WDR25: variants seen among roughly 807,000 people sequenced by gnomAD.
WDR25 encodes WD repeat domain 25, also known as WD repeat-containing protein 25.
A neutral mutation model predicts 47.7 loss-of-function variants in WDR25; 35 were observed. That is an observed-to-expected ratio of 0.73 (90% CI 0.56 to 0.97). The LOEUF (loss-of-function observed/expected upper bound fraction) is 0.97. Among genes scored for constraint, WDR25 ranks in the 50% least tolerant of loss-of-function variants. The probability of loss-of-function intolerance (pLI) is 0.00; values close to 1 mark genes in which losing one functional copy is unlikely to be tolerated. For missense variants in WDR25, 634 were observed against 704.7 expected (o/e 0.90, Z 1.14); for synonymous variants, 248 against 278.9 (o/e 0.89, Z 1.10).
At chr14:100,483,418 A>T (rs924252064) in intron 3 of WDR25, among the ~76,000 whole-genome samples, 1 of 152,156 alleles carries the variant, frequency 6.6e-6, no homozygotes, top group South Asian at 2.1e-4. Flanking sequence ...ACCCTGTCCA[A>T]TCTGTGCTTG....
intron 2 of WDR25, among the ~76,000 whole-genome samples, chr14:100,462,190 G>A (rs1899437681): frequency 6.6e-6 from 1 of 152,162 alleles, no homozygotes; most frequent in Non-Finnish European, 1.5e-5. Flanking sequence ...CACAGAAACT[G>A]TGGTAAATAT....
At chr14:100,445,989 A>G (rs903548686) in intron 2 of WDR25, among the ~76,000 whole-genome samples, 1 of 152,204 alleles carries the variant, frequency 6.6e-6, no homozygotes, top group Admixed American at 6.5e-5. Flanking sequence ...CCATCCTGGT[A>G]GATGAAAAGA....
chr14:100,406,424 A>G (rs916636224), intron 2 of WDR25, among the ~76,000 whole-genome samples: 1 of 152,180 alleles, frequency 6.6e-6, no homozygotes, highest in African/African-American at 2.4e-5. Flanking sequence ...CATAGGAGTC[A>G]CTTTTAGGCA....
At chr14:100,463,957 T>C (rs1200799304) in intron 2 of WDR25, among the ~76,000 whole-genome samples, 1 of 152,186 alleles carries the variant, frequency 6.6e-6, no homozygotes, top group Non-Finnish European at 1.5e-5. Context: ...TGCAGAAGCC[T>C]CCTGATTGTC....
In WDR25 at chr14:100,488,933, A is replaced by G. The variant is rs909520516; in HGVS notation, c.1101+4809A>G. ...TGGCATCCCCGACAGGGCCTGGACC[A>G]GAGCAGGTGTTCAGGATAACCTGGA... On this transcript the variant is annotated intron_variant, in intron 4 of 6. Coordinates refer to ENST00000402312, the MANE Select transcript of WDR25 (RefSeq NM_001161476.3). The surrounding 1 kb of genome is among the most constrained non-coding windows in gnomAD (Gnocchi z 4.2). 1.3e-5 allele frequency among the ~76,000 whole-genome samples: 2 copies of G among 152,232 alleles called. No homozygotes were observed. The highest frequency in any genetic ancestry group is 1.9e-4 in the East Asian group (1 of 5,202).
chr14:100,410,980 G>C (rs1055984524), intron 2 of WDR25, among the ~76,000 whole-genome samples: 2 of 151,734 alleles, frequency 1.3e-5, no homozygotes, highest in East Asian at 3.9e-4. Context: ...ATGGAGTCTC[G>C]TCATGTTGCC....
At position 100,469,147 on chromosome 14, in the gene WDR25, G is replaced by A. The variant is rs146432985; in HGVS notation, c.970+979G>A. Among the ~76,000 whole-genome samples the A allele has an allele frequency of 3.9e-5, 6 of 152,188 alleles. No homozygotes were observed. The East Asian group carries it at 1.2e-3, about 30-fold the overall frequency. ...GCCAGCATCTTGCCTGCCTAGCCCCGCAGTGGTGGTGGCTCTGGGCCCTGC... is the reference window on the plus strand; with the variant it reads ...GCCAGCATCTTGCCTGCCTAGCCCCACAGTGGTGGTGGCTCTGGGCCCTGC... On this transcript the variant is annotated intron_variant, in intron 3 of 6. Coordinates refer to ENST00000402312, the MANE Select transcript of WDR25 (RefSeq NM_001161476.3).
Position 100,527,244 on chromosome 14 carries a change from G to A in WDR25, c.1272+1204G>A, listed in dbSNP as rs993245543. Reference sequence around the variant, plus strand: ...CACCATTACCACCATCATCACCACCGTCATCTCTGTCACACCACCATCACC... The same window carrying A: ...CACCATTACCACCATCATCACCACCATCATCTCTGTCACACCACCATCACC... On this transcript the variant is annotated intron_variant, in intron 5 of 6. Transcript: ENST00000402312. Among the ~76,000 whole-genome samples, 11 of 149,018 alleles carry A rather than the reference G, an allele frequency of 7.4e-5. No individual in the cohort carries two copies. In the South Asian group the frequency reaches 8.7e-4, roughly 12 times the overall value.
At chr14:100,409,464 GCT>G (rs780668296) in intron 2 of WDR25, among the ~76,000 whole-genome samples, 8 of 151,790 alleles carry the variant, frequency 5.3e-5, no homozygotes, top group Non-Finnish European at 1.2e-4. Flanking sequence ...TCTTTAAAGG[GCT>G]CTCTTTTGAG....
intron 3 of WDR25, among the ~76,000 whole-genome samples, chr14:100,473,703 C>T (rs949635347): frequency 6.6e-6 from 1 of 152,160 alleles, no homozygotes; most frequent in Admixed American, 6.5e-5. Flanking sequence ...GCAAAGAGCC[C>T]CAAGAGCTCC....
At chr14:100,497,239 G>A (rs140305934) in intron 4 of WDR25, among the ~76,000 whole-genome samples, 1,561 of 152,248 alleles carry the variant, frequency 0.01, 12 homozygotes, top group Middle Eastern at 0.031. Context: ...TGGCAATTTG[G>A]TCAATTGGTT....
intron 2 of WDR25, among the ~76,000 whole-genome samples, chr14:100,385,153 T>TA (rs1896991171): frequency 6.6e-6 from 1 of 152,236 alleles, no homozygotes; most frequent in Non-Finnish European, 1.5e-5. Context: ...CAGCTTCACC[T>TA]ACTAGACTTT....
intron 2 of WDR25, among the ~76,000 whole-genome samples, chr14:100,412,206 C>CA (rs34698940): frequency 0.12 from 6,247 of 53,404 alleles, 332 homozygotes; most frequent in African/African-American, 0.22. Flanking sequence ...GACCCTGTCT[C>CA]AAAAAAAAAA....
At chr14:100,401,160 C>G (rs572369423) in intron 2 of WDR25, among the ~76,000 whole-genome samples, 1 of 152,090 alleles carries the variant, frequency 6.6e-6, no homozygotes, top group Admixed American at 6.5e-5. Context: ...TCTGGGCCTC[C>G]GGGGCGCGTC....
rs142115926 is a variant in WDR25 at position 100,522,238 on chromosome 14, T to A, written c.1102-3632T>A. Among the ~76,000 whole-genome samples, 275 of 152,322 alleles carry A rather than the reference T, an allele frequency of 1.8e-3. 2 individuals are homozygous for A. Among genetic ancestry groups the A allele is most frequent in the African/African-American group, 5.0e-3 (208 of 41,572 alleles). On this transcript the variant is annotated intron_variant, in intron 4 of 6. Coordinates refer to ENST00000402312, the MANE Select transcript of WDR25 (RefSeq NM_001161476.3). ...TCTGCCATCCCAAAGTATTTTTTTTTAATTATTATTGTTTTTATATAGTCC... is the reference window on the plus strand; with the variant it reads ...TCTGCCATCCCAAAGTATTTTTTTTAAATTATTATTGTTTTTATATAGTCC...
chr14:100,459,680 G>A (rs778683162), intron 2 of WDR25, among the ~76,000 whole-genome samples: 1 of 151,568 alleles, frequency 6.6e-6, no homozygotes, highest in Non-Finnish European at 1.5e-5. Context: ...TACAAAGACA[G>A]CCATCTACAA....
At position 100,428,531 on chromosome 14, in the gene WDR25, G is replaced by A. The variant is rs1162073093; in HGVS notation, c.823-39490G>A. Reference sequence around the variant, plus strand: ...CTGCACATGGTGCCTGTCTCTCTGCGTTCTTAGTGGAGGTGGCCCCTGTGG... The same window carrying A: ...CTGCACATGGTGCCTGTCTCTCTGCATTCTTAGTGGAGGTGGCCCCTGTGG... On this transcript the variant is annotated intron_variant, in intron 2 of 6. Coordinates refer to ENST00000402312, the MANE Select transcript of WDR25 (RefSeq NM_001161476.3). This position sits in a 1 kb window ranked among gnomAD's most constrained non-coding sequence, Gnocchi z 4.3. Among the ~76,000 whole-genome samples, 1 of 152,150 alleles carries A rather than the reference G, an allele frequency of 6.6e-6. No homozygotes were observed. The highest frequency in any genetic ancestry group is 1.5e-5 in the Non-Finnish European group (1 of 68,028).
Position 100,481,103 on chromosome 14 carries a change from CAAAAAAAAAAAAAAAAAAAA to C in WDR25, c.971-2881_971-2862del, listed in dbSNP as rs71113268. 13 of 248,192 alleles carry C rather than the reference CAAAAAAAAAAAAAAAAAAAA, an allele frequency of 5.2e-5. No individual in the cohort carries two copies. In the Admixed American group the frequency reaches 6.3e-4, roughly 12 times the overall value. The allele number at this position is 248,192 out of a possible 1,614,324, so 15.4% of individuals were successfully genotyped here. A position where few individuals can be genotyped will look rare whatever the true frequency, so the allele number is the denominator to read the frequency against. ...GGATAAATCTTCAGACAAAAAAGTG[CAAAAAAAAAAAAAAAAAAAA>C]AAAAAAAAAGGGAAAAGGGGAGCAA... is the stretch of plus-strand genomic sequence containing the variant. On this transcript the variant is annotated intron_variant, in intron 3 of 6. Coordinates refer to ENST00000402312, the MANE Select transcript of WDR25 (RefSeq NM_001161476.3).
intron 4 of WDR25, among the ~76,000 whole-genome samples, chr14:100,517,424 A>G (rs533160637): frequency 4.8e-4 from 73 of 151,806 alleles, no homozygotes; most frequent in African/African-American, 1.7e-3. Context: ...TATTTTATCT[A>G]TTAGCTTTTT....
Sources: gnomAD v4.1 joint callset for allele counts (sites outside exome capture counted in the v4.1 genomes callset) on GRCh38, gnomAD v4.1.1 for gene constraint, Gnocchi (gnomAD v3.1) non-coding constraint, MANE v1.5 for transcripts, NCBI Gene and HGNC (gene_info 2026-07-23, HGNC 2026-07-21) for gene names.